The following ST3GAL2 variants were observed in gnomAD, a reference collection of about 807,000 sequenced individuals.
The protein encoded by ST3GAL2 is ST3 beta-galactoside alpha-2,3-sialyltransferase 2, also known as CMP-N-acetylneuraminate-beta-galactosamide-alpha-2,3-sialyltransferase 2.
A neutral mutation model predicts 37.5 loss-of-function variants in ST3GAL2; 16 were observed. That is an observed-to-expected ratio of 0.43 (90% CI 0.29 to 0.65). ST3GAL2 has a LOEUF of 0.65. Among genes scored for constraint, ST3GAL2 ranks in the 30% least tolerant of loss-of-function variants. The pLI is 0.17. For missense variants in ST3GAL2, 383 were observed against 487.8 expected (o/e 0.79, Z 2.02); for synonymous variants, 238 against 202.9 (o/e 1.17, Z -1.47).
chr16:70,388,084 C>G (rs952229620), intron 4 of ST3GAL2, among the ~76,000 whole-genome samples: 8 of 151,584 alleles, frequency 5.3e-5, no homozygotes, highest in African/African-American at 1.7e-4. Flanking sequence ...TGCACCCCGG[C>G]CTGGGCAACA....
At chr16:70,412,963 T>C (rs943635144) in intron 1 of ST3GAL2, among the ~76,000 whole-genome samples, 4 of 152,112 alleles carry the variant, frequency 2.6e-5, no homozygotes, top group Non-Finnish European at 5.9e-5. Flanking sequence ...AAAGGTTGGC[T>C]TGAGGCTGGG....
Position 70,379,165 on chromosome 16 carries a change from G to A in ST3GAL2, c.*2524C>T, listed in dbSNP as rs1280773080. ...CCACCCAAATGTATCGGAGCCTGAT[G>A]GATACCTGGAGACATCATGTTGACA... is the stretch of plus-strand genomic sequence containing the variant. On this transcript the variant is annotated 3_prime_UTR_variant, in exon 7 of 7. Transcript: ENST00000342907. The A allele has an allele frequency of 6.6e-6, 1 of 152,184 alleles. No homozygotes were observed. Among genetic ancestry groups the A allele is most frequent in the Non-Finnish European group, 1.5e-5 (1 of 68,058 alleles). 9.4% of individuals were successfully genotyped at this position (152,184 alleles called of 1,614,324 possible). A position where few individuals can be genotyped will look rare whatever the true frequency, so the allele number is the denominator to read the frequency against.
At chr16:70,383,273 G>A in intron 4 of ST3GAL2, 38 bp from the exon 5 acceptor site, 1 of 1,583,912 alleles carries the variant, frequency 6.3e-7, no homozygotes, top group Non-Finnish European at 8.5e-7. Flanking sequence ...ATTTCAGGCT[G>A]GGCACGGTGG....
rs921872932 is a variant in ST3GAL2 at position 70,376,118 on chromosome 16, A to G, written c.*5571T>C. 2.6e-5 allele frequency: 4 copies of G among 152,232 alleles called. No individual in the cohort carries two copies. The highest frequency in any genetic ancestry group is 4.4e-5 in the Non-Finnish European group (3 of 68,036). The allele number at this position is 152,232 out of a possible 1,614,324, so 9.4% of individuals were successfully genotyped here. A position where few individuals can be genotyped will look rare whatever the true frequency, so the allele number is the denominator to read the frequency against. ...TGGAGACGCAGCCCAGGGGACTGCCATGGCCCTGCGAAGGGGCAGCGTCTC... is the reference window on the plus strand; with the variant it reads ...TGGAGACGCAGCCCAGGGGACTGCCGTGGCCCTGCGAAGGGGCAGCGTCTC... On this transcript the variant is annotated 3_prime_UTR_variant, in exon 7 of 7. Coordinates refer to ENST00000342907, the MANE Select transcript of ST3GAL2 (RefSeq NM_006927.4).
chr16:70,408,531 G>A (rs548876708), intron 1 of ST3GAL2, among the ~76,000 whole-genome samples: 5 of 152,158 alleles, frequency 3.3e-5, no homozygotes, highest in Admixed American at 2.0e-4. Context: ...TTGGTTAACT[G>A]AAGTCACCCG....
At chr16:70,388,249 C>CA (rs2047456378) in intron 4 of ST3GAL2, 118 bp downstream of exon 4, 1 of 1,365,360 alleles carries the variant, frequency 7.3e-7, no homozygotes, top group African/African-American at 1.4e-5. Context: ...CCTCCCTTCT[C>CA]ACCAGCCCCT....
At chr16:70,411,412 T>G (rs918427256) in intron 1 of ST3GAL2, among the ~76,000 whole-genome samples, 1 of 151,380 alleles carries the variant, frequency 6.6e-6, no homozygotes, top group African/African-American at 2.4e-5. Flanking sequence ...CAGCAGCACA[T>G]GAAGAAAAAG....
At chr16:70,411,384 TAA>T (rs61364237) in intron 1 of ST3GAL2, among the ~76,000 whole-genome samples, 73 of 130,310 alleles carry the variant, frequency 5.6e-4, no homozygotes, top group African/African-American at 1.8e-3. Context: ...CAATAAAAAA[TAA>T]AAAAAAAAAA....
intron 6 of ST3GAL2, 105 bp from the exon 7 acceptor site, chr16:70,381,967 G>T: frequency 1.4e-6 from 2 of 1,450,520 alleles, no homozygotes; most frequent in Non-Finnish European, 1.9e-6. Context: ...GCCCCGGGGA[G>T]ATGCAGGAGC....
intron 1 of ST3GAL2, among the ~76,000 whole-genome samples, chr16:70,425,221 G>A (rs2047741794): frequency 6.6e-6 from 1 of 152,156 alleles, no homozygotes; most frequent in African/African-American, 2.4e-5. Context: ...CAGCACTTTA[G>A]GAGGCCGAGG....
In ST3GAL2 at chr16:70,399,548, A is replaced by T. The variant is rs532608607; in HGVS notation, c.-1003-15T>A. 1.2e-4 allele frequency: 46 copies of T among 397,730 alleles called. No individual in the cohort carries two copies. In the South Asian group the frequency reaches 5.5e-3, roughly 47 times the overall value. The allele number at this position is 397,730 out of a possible 1,614,324, so 24.6% of individuals were successfully genotyped here. A position where few individuals can be genotyped will look rare whatever the true frequency, so the allele number is the denominator to read the frequency against. On this transcript the variant is annotated splice_polypyrimidine_tract_variant and intron_variant, in intron 1 of 6. Coordinates refer to ENST00000342907, the MANE Select transcript of ST3GAL2 (RefSeq NM_006927.4). ...GCAGCACGACCCTAGAATGGCAGAG[A>T]GGAGAAATAATGTGCGGATGAATCA... is the stretch of plus-strand genomic sequence containing the variant.
chr16:70,411,332 C>A (rs568286228), intron 1 of ST3GAL2, among the ~76,000 whole-genome samples: 4 of 151,058 alleles, frequency 2.6e-5, no homozygotes, highest in Admixed American at 2.0e-4. Context: ...TTGAAGTGGG[C>A]GGAGCGGAGA....
At chr16:70,431,986 T>TATATATATATA (rs5817697) in intron 1 of ST3GAL2, among the ~76,000 whole-genome samples, 1 of 133,688 alleles carries the variant, frequency 7.5e-6, no homozygotes, top group African/African-American at 3.7e-5. Flanking sequence ...TATATATATA[T>TATATATATATA]TTTTTTTTAA....
chr16:70,426,220 A>G (rs796494172), intron 1 of ST3GAL2, among the ~76,000 whole-genome samples: 2 of 131,390 alleles, frequency 1.5e-5, no homozygotes, highest in Non-Finnish European at 3.1e-5. Context: ...TTGAGACTGA[A>G]TCTCACTCTG....
intron 1 of ST3GAL2, among the ~76,000 whole-genome samples, chr16:70,423,674 A>ATTTT (rs60635060): frequency 5.9e-4 from 76 of 128,028 alleles, no homozygotes; most frequent in African/African-American, 2.1e-3. Context: ...TGACTCAATG[A>ATTTT]TTTTTTTTTT....
In ST3GAL2 at chr16:70,381,494, G is replaced by T; in HGVS notation, c.*195C>A. 1.6e-6 allele frequency: 1 copy of T among 643,764 alleles called. No homozygotes were observed. Among genetic ancestry groups the T allele is most frequent in the Non-Finnish European group, 2.6e-6 (1 of 381,648 alleles). 39.9% of individuals were successfully genotyped at this position (643,764 alleles called of 1,614,324 possible). A position where few individuals can be genotyped will look rare whatever the true frequency, so the allele number is the denominator to read the frequency against. On this transcript the variant is annotated 3_prime_UTR_variant, in exon 7 of 7. Transcript: ENST00000342907. ...TTTCCTTGAGTCACATGATTGGCTG[G>T]GAGAAACAGAAGCTCCGCCCGACCG...
At chr16:70,393,263 A>C (rs555428080) in intron 3 of ST3GAL2, among the ~76,000 whole-genome samples, 1 of 152,140 alleles carries the variant, frequency 6.6e-6, no homozygotes, top group East Asian at 1.9e-4. Context: ...TTTTTAGTAG[A>C]GACAGGGTTT....
intron 1 of ST3GAL2, among the ~76,000 whole-genome samples, chr16:70,409,990 C>T (rs1238932309): frequency 2.0e-5 from 3 of 151,404 alleles, no homozygotes; most frequent in Non-Finnish European, 4.4e-5. Flanking sequence ...TGATCTCCAA[C>T]TCCTGTTCTC....
At chr16:70,438,144 G>A (rs2047839016) in intron 1 of ST3GAL2, among the ~76,000 whole-genome samples, 1 of 152,214 alleles carries the variant, frequency 6.6e-6, no homozygotes. Context: ...CTCCTCTACA[G>A]GCAGAGGGAA....
Sources: gnomAD v4.1 joint callset for allele counts (sites outside exome capture counted in the v4.1 genomes callset) on GRCh38, gnomAD v4.1.1 for gene constraint, MANE v1.5 for transcripts, NCBI Gene and HGNC (gene_info 2026-07-23, HGNC 2026-07-21) for gene names.